The following GPD2 variants were observed in gnomAD, a reference collection of about 807,000 sequenced individuals.
GPD2 encodes glycerol-3-phosphate dehydrogenase 2.
In GPD2, 54 loss-of-function variants were observed where a neutral mutation model predicts 82.4. That is an observed-to-expected ratio of 0.66 (90% CI 0.53 to 0.82). The LOEUF (loss-of-function observed/expected upper bound fraction) is 0.82, where lower values mean the gene tolerates loss of function less well. Among genes scored for constraint, GPD2 ranks in the 40% least tolerant of loss-of-function variants. The pLI is 0.00. For missense variants in GPD2, 748 were observed against 896.2 expected, an observed-to-expected ratio of 0.83 and a Z score of 2.11; for synonymous variants, 288 against 306.1, an observed-to-expected ratio of 0.94 and a Z score of 0.62.
At position 156,519,072 on chromosome 2, in the gene GPD2, C is replaced by T. The variant is rs541272735; in HGVS notation, c.661+5576C>T. Among the ~76,000 whole-genome samples the T allele has an allele frequency of 3.9e-5, 6 of 152,128 alleles. No individual in the cohort carries two copies. The South Asian group carries it at 1.2e-3, about 31-fold the overall frequency. ...TTCGATATGTTTTTAAAGTTTAATT[C>T]CTTATAAATTTGAAATGGTTCAAAT... On this transcript the variant is annotated intron_variant, in intron 6 of 16. Transcript: ENST00000438166.
intron 2 of GPD2, chr2:156,495,700 AT>A: frequency 2.5e-6 from 1 of 406,582 alleles, no homozygotes; most frequent in South Asian, 2.0e-5. Flanking sequence ...GGGTAAAAAA[AT>A]CTCCTTATGT....
intron 2 of GPD2, among the ~76,000 whole-genome samples, chr2:156,478,443 A>T (rs541192897): frequency 7.2e-4 from 110 of 152,290 alleles, no homozygotes; most frequent in African/African-American, 2.2e-3. Flanking sequence ...CCTTTAAGAT[A>T]CTGCCATTAG....
intron 7 of GPD2, 68 bp downstream of exon 7, chr2:156,549,840 T>C: frequency 2.6e-6 from 3 of 1,137,402 alleles, no homozygotes; most frequent in Non-Finnish European, 3.9e-6. Context: ...GACTGAATTA[T>C]AATTTTTCTG....
intron 1 of GPD2, among the ~76,000 whole-genome samples, chr2:156,472,354 T>C (rs1054499797): frequency 2.0e-5 from 3 of 152,198 alleles, no homozygotes; most frequent in Non-Finnish European, 4.4e-5. Flanking sequence ...AGGGTCTTAC[T>C]CTGTCACCCA....
intron 2 of GPD2, 27 bp from the exon 3 acceptor site, chr2:156,496,017 A>G: frequency 6.3e-7 from 1 of 1,584,054 alleles, no homozygotes; most frequent in Non-Finnish European, 8.7e-7. Context: ...CAAATGGACA[A>G]CTGAAAGTGA....
intron 3 of GPD2, among the ~76,000 whole-genome samples, chr2:156,502,106 G>A (rs1573936655): frequency 4.6e-5 from 1 of 21,804 alleles, no homozygotes; most frequent in African/African-American, 9.7e-5. Flanking sequence ...ATATATGCAT[G>A]TGTGTGTGTG....
chr2:156,500,932 C>T (rs1684566081), intron 3 of GPD2, among the ~76,000 whole-genome samples: 1 of 152,204 alleles, frequency 6.6e-6, no homozygotes, highest in Admixed American at 6.5e-5. Context: ...TTTAACACCT[C>T]TGTGTCCCGT....
At chr2:156,443,141 C>T (rs560536136) in intron 1 of GPD2, among the ~76,000 whole-genome samples, 1 of 152,246 alleles carries the variant, frequency 6.6e-6, no homozygotes, top group Non-Finnish European at 1.5e-5. Context: ...CCTTGAGTGC[C>T]CTGACCCCTG....
chr2:156,401,791 A>G, the GPD2 span, among the ~76,000 whole-genome samples: 1 of 152,228 alleles, frequency 6.6e-6, no homozygotes, highest in African/African-American at 2.4e-5. Context: ...TAATAGTATG[A>G]GTCTGATCCT....
chr2:156,446,761 A>T (rs989917714), intron 1 of GPD2, among the ~76,000 whole-genome samples: 1 of 151,288 alleles, frequency 6.6e-6, no homozygotes, highest in African/African-American at 2.4e-5. Flanking sequence ...ACAAGGTTTC[A>T]CCATGTTGGC....
At chr2:156,451,940 C>A in intron 1 of GPD2, among the ~76,000 whole-genome samples, 1 of 149,642 alleles carries the variant, frequency 6.7e-6, no homozygotes, top group Admixed American at 6.6e-5. Flanking sequence ...CAGAGGCGCT[C>A]CTCACATCCC....
intron 3 of GPD2, among the ~76,000 whole-genome samples, chr2:156,507,347 G>A (rs1043080496): frequency 6.6e-6 from 1 of 150,594 alleles, no homozygotes; most frequent in African/African-American, 2.4e-5. Flanking sequence ...TTTGAGATAG[G>A]GTCTCATTCT....
At chr2:156,480,809 C>G (rs1683701625) in intron 2 of GPD2, among the ~76,000 whole-genome samples, 1 of 147,588 alleles carries the variant, frequency 6.8e-6, no homozygotes, top group South Asian at 2.2e-4. Context: ...TGGAGTTTCA[C>G]TCTTGTTGCC....
intron 6 of GPD2, among the ~76,000 whole-genome samples, chr2:156,518,167 A>G (rs1050752498): frequency 1.3e-5 from 2 of 152,196 alleles, no homozygotes; most frequent in Non-Finnish European, 2.9e-5. Context: ...ACAGCATACA[A>G]ATAGATGAAT....
chr2:156,582,711 T>C, intron 16 of GPD2, 82 bp from the exon 17 acceptor site: 6 of 1,455,282 alleles, frequency 4.1e-6, no homozygotes, highest in Non-Finnish European at 5.8e-6. Context: ...CTCTGTCTGC[T>C]GCAATTCTAA....
At chr2:156,559,465 G>A (rs1228746576) in intron 9 of GPD2, among the ~76,000 whole-genome samples, 4 of 152,066 alleles carry the variant, frequency 2.6e-5, no homozygotes, top group African/African-American at 7.2e-5. Context: ...TGAAGGACAT[G>A]GAAAAGCACT....
chr2:156,437,482 G>A (rs1681983110), intron 1 of GPD2, among the ~76,000 whole-genome samples: 1 of 152,138 alleles, frequency 6.6e-6, no homozygotes, highest in African/African-American at 2.4e-5. Flanking sequence ...TTGCCCAATG[G>A]AGACCGTGTG....
intron 2 of GPD2, among the ~76,000 whole-genome samples, chr2:156,482,932 G>A (rs902366475): frequency 6.6e-6 from 1 of 152,140 alleles, no homozygotes. Flanking sequence ...GAGAGGCAAA[G>A]TGATGCATGG....
the GPD2 span, among the ~76,000 whole-genome samples, chr2:156,429,448 T>C: frequency 2.0e-5 from 3 of 152,238 alleles, no homozygotes; most frequent in East Asian, 3.8e-4. Flanking sequence ...GTTTACATTA[T>C]GAAAATTTAT....
Sources: allele counts gnomAD v4.1 joint callset (sites outside exome capture counted in the v4.1 genomes callset), GRCh38; gene constraint gnomAD v4.1.1; transcripts MANE v1.5; gene names NCBI Gene and HGNC (gene_info 2026-07-23, HGNC 2026-07-21).